The following WWOX variants were observed in gnomAD, a reference collection of about 807,000 sequenced individuals.
WWOX encodes the protein WW domain containing oxidoreductase.
WWOX carries 69 observed loss-of-function variants against 46.2 expected under a neutral mutation model. That is an observed-to-expected ratio of 1.49 (90% CI 1.23 to 1.82). The LOEUF is 1.82. WWOX is among the 40% of genes most tolerant of loss of function. WWOX has a pLI of 0.00. For missense variants in WWOX, 919 were observed against 542.6 expected (o/e 1.69, Z -6.89); for synonymous variants, 359 against 202.6 (o/e 1.77, Z -6.56).
chr16:78,840,469 G>T (rs1011830516), intron 8 of WWOX, among the ~76,000 whole-genome samples: 3 of 152,110 alleles, frequency 2.0e-5, no homozygotes, highest in African/African-American at 7.2e-5. Flanking sequence ...CGATGGCATG[G>T]CATGATCCCA....
chr16:78,949,088 A>G (rs1013669157), intron 8 of WWOX, among the ~76,000 whole-genome samples: 2 of 152,164 alleles, frequency 1.3e-5, no homozygotes, highest in Admixed American at 6.5e-5. Flanking sequence ...CTACAATAGC[A>G]TGGAAAACGG....
At chr16:79,148,067 A>G (rs965125296) in intron 8 of WWOX, among the ~76,000 whole-genome samples, 2 of 152,186 alleles carry the variant, frequency 1.3e-5, no homozygotes, top group Non-Finnish European at 2.9e-5. Flanking sequence ...AAATAAAAGT[A>G]TTTAGTTTTA....
chr16:78,561,975 A>G (rs889903346), intron 8 of WWOX, among the ~76,000 whole-genome samples: 22 of 110,578 alleles, frequency 2.0e-4, no homozygotes, highest in African/African-American at 1.2e-3. Flanking sequence ...TTTTGCACCA[A>G]CCTAACAATG....
At chr16:78,533,517 C>T (rs1280339956) in intron 8 of WWOX, among the ~76,000 whole-genome samples, 1 of 152,076 alleles carries the variant, frequency 6.6e-6, no homozygotes, top group Admixed American at 6.5e-5. Context: ...GGCCCACCAG[C>T]TATGGTTTGG....
chr16:78,190,193 G>A (rs1390010889), intron 5 of WWOX, among the ~76,000 whole-genome samples: 1 of 152,186 alleles, frequency 6.6e-6, no homozygotes, highest in East Asian at 1.9e-4. Context: ...GGCCAGACCA[G>A]TCCCTAGCCT....
In WWOX at chr16:78,925,948, G is replaced by A. The variant is rs529517620; in HGVS notation, c.1057-285660G>A. On this transcript the variant is annotated intron_variant, in intron 8 of 8. Transcript: ENST00000566780. ...TGTTTCAGACCATGAATGCGATTGG[G>A]CAGAAAGACTGTGAACCAAGAGGGC... 1.5e-4 allele frequency among the ~76,000 whole-genome samples: 23 copies of A among 152,298 alleles called. No individual in the cohort carries two copies. In the East Asian group the frequency reaches 4.1e-3, roughly 27 times the overall value.
intron 5 of WWOX, among the ~76,000 whole-genome samples, chr16:78,171,771 TA>T (rs1284392256): frequency 6.6e-6 from 1 of 152,166 alleles, no homozygotes; most frequent in Admixed American, 6.5e-5. Context: ...AAGGATGATA[TA>T]AACAAGTCTG....
At chr16:78,476,796 A>G (rs765446394) in intron 8 of WWOX, among the ~76,000 whole-genome samples, 6 of 152,110 alleles carry the variant, frequency 3.9e-5, no homozygotes, top group African/African-American at 1.2e-4. Context: ...AGCCAACACA[A>G]TAGGCAATTG....
intron 5 of WWOX, among the ~76,000 whole-genome samples, chr16:78,291,127 A>T (rs1351410321): frequency 1.3e-5 from 2 of 152,084 alleles, no homozygotes; most frequent in Non-Finnish European, 2.9e-5. Flanking sequence ...GTGTCATGGA[A>T]CTCACTTAAT....
intron 8 of WWOX, among the ~76,000 whole-genome samples, chr16:78,435,080 C>G (rs1028480134): frequency 6.6e-6 from 1 of 152,106 alleles, no homozygotes; most frequent in African/African-American, 2.4e-5. Flanking sequence ...TAAGTTGGAT[C>G]GGTGACTGTA....
At chr16:78,945,945 A>G (rs1390595696) in intron 8 of WWOX, among the ~76,000 whole-genome samples, 1 of 151,740 alleles carries the variant, frequency 6.6e-6, no homozygotes, top group Non-Finnish European at 1.5e-5. Flanking sequence ...TCATTTTCTC[A>G]TCCGTCTCTT....
At chr16:78,674,709 TAAAC>T (rs1160748747) in intron 8 of WWOX, among the ~76,000 whole-genome samples, 2 of 152,120 alleles carry the variant, frequency 1.3e-5, no homozygotes, top group African/African-American at 4.8e-5. Flanking sequence ...CAAAGAAAAA[TAAAC>T]AAGAACAAAT....
chr16:78,789,246 C>G (rs2737306), intron 8 of WWOX, among the ~76,000 whole-genome samples: 1 of 151,774 alleles, frequency 6.6e-6, no homozygotes, highest in African/African-American at 2.4e-5. Context: ...CTGAAACCAC[C>G]CCTCTATTTT....
intron 8 of WWOX, among the ~76,000 whole-genome samples, chr16:78,583,280 C>A (rs951035823): frequency 2.6e-5 from 4 of 152,140 alleles, no homozygotes; most frequent in African/African-American, 9.7e-5. Flanking sequence ...TCTCTTGGCC[C>A]TCCTTAGAGT....
chr16:78,131,439 T>C (rs2033589266), intron 4 of WWOX, among the ~76,000 whole-genome samples: 3 of 152,176 alleles, frequency 2.0e-5, no homozygotes, highest in African/African-American at 7.2e-5. Context: ...GGTCTTGAAC[T>C]CGTGGGCTCA....
chr16:78,799,751 G>A (rs532778180), intron 8 of WWOX, among the ~76,000 whole-genome samples: 123 of 152,284 alleles, frequency 8.1e-4, no homozygotes, highest in African/African-American at 1.6e-3. Flanking sequence ...ATGGAGAGAG[G>A]GGGAATTGGG....
At chr16:78,183,839 C>G (rs1195764049) in intron 5 of WWOX, among the ~76,000 whole-genome samples, 1 of 152,186 alleles carries the variant, frequency 6.6e-6, no homozygotes, top group Non-Finnish European at 1.5e-5. Flanking sequence ...CATTTTCAAA[C>G]AAAGCATCCT....
intron 8 of WWOX, among the ~76,000 whole-genome samples, chr16:78,722,915 G>A (rs565960244): frequency 8.5e-5 from 13 of 152,110 alleles, no homozygotes; most frequent in African/African-American, 1.2e-4. Flanking sequence ...AGTGGCTCAC[G>A]CCTGTAGCCC....
rs552016301 is a variant in WWOX, at chr16:78,151,169, G to C, written c.410-13014G>C. On this transcript the variant is annotated intron_variant, in intron 4 of 8. Transcript: ENST00000566780. ...TAGGATTACAGGCATGAGACCCCAT[G>C]CCTGGCCAATTTCAAGGATTTTAGG... Among the ~76,000 whole-genome samples the C allele has an allele frequency of 5.3e-5, 8 of 152,012 alleles. No individual in the cohort carries two copies. In the South Asian group the frequency reaches 1.7e-3, roughly 32 times the overall value.
Sources: allele counts gnomAD v4.1 joint callset (sites outside exome capture counted in the v4.1 genomes callset), GRCh38; gene constraint gnomAD v4.1.1; transcripts MANE v1.5; gene names NCBI Gene and HGNC (gene_info 2026-07-23, HGNC 2026-07-21).